Variants in TMEM63B observed in about 807,000 individuals in gnomAD.
The protein encoded by TMEM63B is mechanosensitive cation channel TMEM63B.
A neutral mutation model predicts 102.6 loss-of-function variants in TMEM63B; 23 were observed. That is an observed-to-expected ratio of 0.22 (90% CI 0.16 to 0.32). The LOEUF (loss-of-function observed/expected upper bound fraction) is 0.32, where lower values mean the gene tolerates loss of function less well. Ranked by LOEUF, TMEM63B falls within the 10% of genes least tolerant of loss-of-function variation. The pLI, the probability that TMEM63B is intolerant of heterozygous loss-of-function variation, is 1.00. For synonymous variants in TMEM63B, 444 were observed against 437.0 expected, an observed-to-expected ratio of 1.02 and a Z score of -0.20; for missense variants, 628 against 1,095.9, an observed-to-expected ratio of 0.57 and a Z score of 6.03.
chr6:44,132,420 G>A (rs899690059), intron 1 of TMEM63B: 2 of 757,750 alleles, frequency 2.6e-6, no homozygotes, highest in African/African-American at 3.8e-5. Flanking sequence ...TGGTACTCTG[G>A]GGCTTGTTCT....
rs914814357 is a variant in TMEM63B at position 44,150,189 on chromosome 6, T to C, written c.1521-35T>C. On this transcript the variant is annotated intron_variant, in intron 16 of 23. Coordinates refer to ENST00000323267, the MANE Select transcript of TMEM63B (RefSeq NM_018426.3). This position sits in a 1 kb window ranked among gnomAD's most constrained non-coding sequence, Gnocchi z 4.7. ...GAGCAAGTCTGGGGCCTGGGCTCAC[T>C]TGACCTGTACCGTTCCCTGCTCCCC... The C allele has an allele frequency of 1.3e-6, 2 of 1,596,696 alleles. No individual in the cohort carries two copies. The highest frequency in any genetic ancestry group is 2.7e-5 in the African/African-American group (2 of 74,600).
intron 1 of TMEM63B, among the ~76,000 whole-genome samples, chr6:44,130,749 C>CCT (rs1778104244): frequency 7.2e-6 from 1 of 138,318 alleles, no homozygotes; most frequent in South Asian, 2.3e-4. Flanking sequence ...CCATGCCTGG[C>CCT]TTTTTTTTTT....
chr6:44,138,383 C>G, intron 5 of TMEM63B, 97 bp from the exon 6 acceptor site: 3 of 1,486,756 alleles, frequency 2.0e-6, no homozygotes, highest in Middle Eastern at 2.1e-4. Context: ...GGAAGCTATG[C>G]CTGGAGGTAA....
chr6:44,140,358 C>A lies in TMEM63B; in HGVS notation c.709C>A (p.Leu237Met). ...TSKMRYKEDD[L>M]VKRTLFINGI... ...CAAGATGCGCTACAAGGAGGATGAT[C>A]TGGTGCGTGGAGCAGAGCCCAGGTC... Residue 237 changes from leucine to methionine, a missense_variant and splice_region_variant, in exon 9 of 24, where the codon CTG (leucine) becomes ATG (methionine). Coordinates refer to ENST00000323267, the MANE Select transcript of TMEM63B (RefSeq NM_018426.3). 1 of 1,613,040 alleles carries A rather than the reference C, an allele frequency of 6.2e-7. No homozygotes were observed. Among genetic ancestry groups the A allele is most frequent in the Non-Finnish European group, 8.5e-7 (1 of 1,179,214 alleles).
chr6:44,150,290 A>C lies in TMEM63B; in HGVS notation c.1587A>C (p.Leu529=). The C allele has an allele frequency of 6.2e-7, 1 of 1,614,000 alleles. No homozygotes were observed. Among genetic ancestry groups the C allele is most frequent in the Non-Finnish European group, 8.5e-7 (1 of 1,180,004 alleles). Residue 529 remains leucine (L), a synonymous_variant, in exon 17 of 24, where the codon CTA becomes CTC. Transcript: ENST00000323267. The surrounding 1 kb of genome is among the most constrained non-coding windows in gnomAD (Gnocchi z 4.7). ...YTFLIFMVLL[L]PSLGLSSLDL... The stretch of plus-strand genomic sequence containing the variant: ...TCCTCATCTTCATGGTGCTGCTCCT[A>C]CCCTCGCTGGGACTGAGCAGGTGAG...
chr6:44,138,736 G>GTCCCCCCCCAC, intron 6 of TMEM63B: 1 of 280,538 alleles, frequency 3.6e-6, no homozygotes, highest in East Asian at 6.0e-5. Context: ...CCCCCTGCCG[G>GTCCCCCCCCAC]CCCCCCCGCT....
intron 10 of TMEM63B, among the ~76,000 whole-genome samples, chr6:44,144,685 C>T (rs1172376647): frequency 6.6e-6 from 1 of 151,946 alleles, no homozygotes; most frequent in African/African-American, 2.4e-5. Context: ...CAGCCTTGAC[C>T]TCCTGGGCTG....
At chr6:44,147,341 C>T (rs1419075690) in intron 11 of TMEM63B, 36 bp from the exon 12 acceptor site, 3 of 1,613,964 alleles carry the variant, frequency 1.9e-6, no homozygotes, top group Non-Finnish European at 2.5e-6. Context: ...CAGCCCCAGC[C>T]CCAGATGTAG....
chr6:44,134,881 G>A (rs988908763), intron 2 of TMEM63B, 136 bp from the exon 3 acceptor site: 2 of 1,492,488 alleles, frequency 1.3e-6, no homozygotes, highest in African/African-American at 1.4e-5. Context: ...TCCAGCCCAA[G>A]CCTCGCCTTT....
rs1271970623 is a variant in TMEM63B, at chr6:44,154,074, G to A, written c.2112G>A (p.Gly704=). Residue 704 remains glycine, a splice_region_variant and synonymous_variant, in exon 22 of 24, where the codon GGG becomes GGA. Coordinates refer to ENST00000323267, the MANE Select transcript of TMEM63B (RefSeq NM_018426.3). The stretch of plus-strand genomic sequence containing the variant: ...CCATTCTTTGCCCCCCAACACCAGG[G>A]TTCCTAGCTCCCACGTCTATGTTCA... ...WLLFFSTMRT[G]FLAPTSMFTF... is the part of the protein sequence containing the mutation. 4 of 1,614,010 alleles carry A rather than the reference G, an allele frequency of 2.5e-6. No individual in the cohort carries two copies. Among genetic ancestry groups the A allele is most frequent in the Non-Finnish European group, 3.4e-6 (4 of 1,179,892 alleles).
Position 44,151,792 on chromosome 6 carries a change from G to A in TMEM63B, c.1674-54G>A, listed in dbSNP as rs754735859. ...GGTGCTGTAGTTCTGGCAGTGGGCGGGCGGCCACCGGGTCACCCCAAGGGT... is the reference window on the plus strand; with the variant it reads ...GGTGCTGTAGTTCTGGCAGTGGGCGAGCGGCCACCGGGTCACCCCAAGGGT... On this transcript the variant is annotated intron_variant, in intron 18 of 23. Coordinates refer to ENST00000323267, the MANE Select transcript of TMEM63B (RefSeq NM_018426.3). The A allele has an allele frequency of 3.9e-5, 59 of 1,526,076 alleles. No homozygotes were observed. The Middle Eastern group carries it at 7.1e-4, about 18-fold the overall frequency. The allele number at this position is 1,526,076 out of a possible 1,614,324, so 94.5% of individuals were successfully genotyped here. A position where few individuals can be genotyped will look rare whatever the true frequency, so the allele number is the denominator to read the frequency against.
In TMEM63B at chr6:44,148,951, G is replaced by T. The variant is rs371183881; in HGVS notation, c.1413+6G>T. ...AGCCTGTGGAGTACCTCAACGTGAG[G>T]CCTCATGCCCCTGTCACTTTCCACG... On this transcript the variant is annotated splice_donor_region_variant and intron_variant, in intron 15 of 23. Coordinates refer to ENST00000323267, the MANE Select transcript of TMEM63B (RefSeq NM_018426.3). This position sits in a 1 kb window ranked among gnomAD's most constrained non-coding sequence, Gnocchi z 5.1. The T allele has an allele frequency of 5.6e-6, 9 of 1,613,874 alleles. No individual in the cohort carries two copies. The African/African-American group carries it at 8.0e-5, about 14-fold the overall frequency.
rs1251842525 is a variant in TMEM63B at position 44,134,976 on chromosome 6, A to G, written c.160-41A>G. On this transcript the variant is annotated intron_variant, in intron 2 of 23. Transcript: ENST00000323267. ...CTGCCCCCTAGTCCAGCAGGTGGACAGACAGCCTCTGCACTTGCCAACTGC... is the reference window on the plus strand; with the variant it reads ...CTGCCCCCTAGTCCAGCAGGTGGACGGACAGCCTCTGCACTTGCCAACTGC... 6.2e-6 allele frequency: 10 copies of G among 1,608,650 alleles called. No homozygotes were observed. In the East Asian group the frequency reaches 2.0e-4, roughly 32 times the overall value.
intron 10 of TMEM63B, 51 bp downstream of exon 10, chr6:44,141,149 T>C (rs747660423): frequency 1.3e-6 from 2 of 1,574,992 alleles, no homozygotes; most frequent in South Asian, 2.2e-5. Context: ...CAGAGCCTTC[T>C]CTGCCTTTGA....
At position 44,152,577 on chromosome 6, in the gene TMEM63B, C is replaced by T; in HGVS notation, c.1837-16C>T. ...CCTGCCTCCCTGAGCCATCCTCCTGCCCGTCTCCCCCCCAGCATCAGGCCT... is the reference window on the plus strand; with the variant it reads ...CCTGCCTCCCTGAGCCATCCTCCTGTCCGTCTCCCCCCCAGCATCAGGCCT... On this transcript the variant is annotated splice_polypyrimidine_tract_variant and intron_variant, in intron 19 of 23. Transcript: ENST00000323267. The surrounding 1 kb of genome is among the most constrained non-coding windows in gnomAD (Gnocchi z 6.4). The T allele has an allele frequency of 6.2e-7, 1 of 1,602,634 alleles. No individual in the cohort carries two copies. The highest frequency in any genetic ancestry group is 8.5e-7 in the Non-Finnish European group (1 of 1,175,942).
intron 9 of TMEM63B, 57 bp from the exon 10 acceptor site, chr6:44,140,971 C>T (rs1040718621): frequency 6.6e-7 from 1 of 1,521,480 alleles, no homozygotes; most frequent in Admixed American, 1.7e-5. Flanking sequence ...CCCCTCACAT[C>T]CCCTGGCTCC....
chr6:44,144,014 C>T (rs938480814), intron 10 of TMEM63B, among the ~76,000 whole-genome samples: 1 of 152,162 alleles, frequency 6.6e-6, no homozygotes, highest in Non-Finnish European at 1.5e-5. Flanking sequence ...AGTTGTGTTT[C>T]AGGGGTTGGT....
chr6:44,150,683 T>C lies in TMEM63B; in HGVS notation c.1673+54T>C. 2 of 1,547,750 alleles carry C rather than the reference T, an allele frequency of 1.3e-6. No homozygotes were observed. The highest frequency in any genetic ancestry group is 1.8e-6 in the Non-Finnish European group (2 of 1,122,022). ...GACCAGACAGCAGGGGTGGGTATGC[T>C]TGAGAGACATTGCCAGCCCCATGGG... On this transcript the variant is annotated intron_variant, in intron 18 of 23. Transcript: ENST00000323267. This position sits in a 1 kb window ranked among gnomAD's most constrained non-coding sequence, Gnocchi z 4.7.
intron 5 of TMEM63B, among the ~76,000 whole-genome samples, chr6:44,136,977 G>A (rs958456484): frequency 2.0e-5 from 3 of 152,234 alleles, no homozygotes; most frequent in Admixed American, 6.5e-5. Context: ...CGCGGGAGGC[G>A]GAGCTTGCAG....
Sources: gnomAD v4.1 joint callset for allele counts (sites outside exome capture counted in the v4.1 genomes callset) on GRCh38, gnomAD v4.1.1 for gene constraint, Gnocchi (gnomAD v3.1) non-coding constraint, MANE v1.5 for transcripts, NCBI Gene and HGNC (gene_info 2026-07-23, HGNC 2026-07-21) for gene names.